Variants in ACER3 observed in about 807,000 individuals in gnomAD.
ACER3 encodes the protein alkaline ceramidase 3.
ACER3 carries 16 observed loss-of-function variants against 48.9 expected under a neutral mutation model. The observed-to-expected ratio is 0.33, with a 90% CI of 0.22 to 0.50. The LOEUF is 0.50. Ranked by LOEUF, ACER3 falls within the 20% of genes least tolerant of loss-of-function variation. The pLI is 0.98. For synonymous variants in ACER3, 109 were observed against 107.8 expected, an observed-to-expected ratio of 1.01 and a Z score of -0.07; for missense variants, 227 against 326.0, an observed-to-expected ratio of 0.70 and a Z score of 2.34.
At chr11:76,920,130 A>G (rs1195611289) in intron 1 of ACER3, among the ~76,000 whole-genome samples, 3 of 152,178 alleles carry the variant, frequency 2.0e-5, no homozygotes, top group Non-Finnish European at 4.4e-5. Flanking sequence ...CAGCTCTTGC[A>G]GTCCAAGTGG....
Position 77,022,923 on chromosome 11 carries a change from G to T in ACER3, c.*2596G>T. On this transcript the variant is annotated 3_prime_UTR_variant, in exon 11 of 11. Coordinates refer to ENST00000532485, the MANE Select transcript of ACER3 (RefSeq NM_018367.7). ...GAAAAGAAAATATAAGGATGTAAAAGAAGCAATTTGCTTGCACATCTGAAT... is the reference window on the plus strand; with the variant it reads ...GAAAAGAAAATATAAGGATGTAAAATAAGCAATTTGCTTGCACATCTGAAT... 5 of 370,118 alleles carry T rather than the reference G, an allele frequency of 1.4e-5. No homozygotes were observed. Among genetic ancestry groups the T allele is most frequent in the East Asian group, 7.8e-5 (2 of 25,610 alleles). The allele number at this position is 370,118 out of a possible 1,614,324, so 22.9% of individuals were successfully genotyped here.
intron 2 of ACER3, chr11:76,955,422 C>T (rs1469915771): frequency 6.6e-6 from 1 of 152,514 alleles, no homozygotes; most frequent in Non-Finnish European, 1.5e-5. Context: ...GTGGCTTAAG[C>T]AACATACATT....
chr11:76,980,744 C>T (rs990935815), intron 4 of ACER3, among the ~76,000 whole-genome samples: 1 of 152,072 alleles, frequency 6.6e-6, no homozygotes, highest in African/African-American at 2.4e-5. Context: ...TAGAAGGATA[C>T]TGATAATGTA....
At chr11:76,954,789 AC>A (rs1326603925) in intron 2 of ACER3, among the ~76,000 whole-genome samples, 1 of 151,970 alleles carries the variant, frequency 6.6e-6, no homozygotes, top group African/African-American at 2.4e-5. Context: ...CTTTGTAGAG[AC>A]AAAGATTCTC....
intron 1 of ACER3, among the ~76,000 whole-genome samples, chr11:76,868,860 C>T (rs902551648): frequency 2.0e-5 from 3 of 152,172 alleles, no homozygotes; most frequent in African/African-American, 4.8e-5. Context: ...TAGCTGAACA[C>T]GTGGAGACTG....
At chr11:76,905,573 T>C (rs886581630) in intron 1 of ACER3, among the ~76,000 whole-genome samples, 3 of 152,170 alleles carry the variant, frequency 2.0e-5, no homozygotes, top group Admixed American at 6.5e-5. Context: ...TCTATATGCA[T>C]ATAAAGCATG....
At position 76,990,614 on chromosome 11, in the gene ACER3, A is replaced by G. The variant is rs201838345; in HGVS notation, c.438+40A>G. The G allele has an allele frequency of 1.1e-5, 13 of 1,203,448 alleles. No individual in the cohort carries two copies. In the South Asian group the frequency reaches 1.4e-4, roughly 13 times the overall value. The allele number at this position is 1,203,448 out of a possible 1,614,324, so 74.5% of individuals were successfully genotyped here. A position where few individuals can be genotyped will look rare whatever the true frequency, so the allele number is the denominator to read the frequency against. On this transcript the variant is annotated intron_variant, in intron 6 of 10. Transcript: ENST00000532485. ...ATTATTACACATTAGATTGTTTACG[A>G]TACATGGCTGCTTTGTGATTTCCTT...
intron 1 of ACER3, among the ~76,000 whole-genome samples, chr11:76,872,257 G>T (rs1945261963): frequency 6.6e-6 from 1 of 151,956 alleles, no homozygotes; most frequent in Non-Finnish European, 1.5e-5. Context: ...TATATTTTTA[G>T]TAGAGACAGT....
At chr11:76,939,674 A>G (rs1163538741) in intron 2 of ACER3, among the ~76,000 whole-genome samples, 3 of 152,208 alleles carry the variant, frequency 2.0e-5, no homozygotes, top group African/African-American at 7.2e-5. Flanking sequence ...AGGAAACATC[A>G]TTATACAGTA....
At chr11:76,985,518 A>G in intron 4 of ACER3, 125 bp from the exon 5 acceptor site, 3 of 608,018 alleles carry the variant, frequency 4.9e-6, no homozygotes, top group African/African-American at 1.9e-5. Flanking sequence ...GGTTTTCTCT[A>G]TGAGTGGAAA....
At chr11:76,935,455 G>A (rs971501392) in intron 2 of ACER3, among the ~76,000 whole-genome samples, 8 of 152,146 alleles carry the variant, frequency 5.3e-5, no homozygotes, top group Non-Finnish European at 1.0e-4. Context: ...AAAACTATTG[G>A]ATTGTAAAAA....
chr11:76,961,266 T>C (rs1947987666), intron 3 of ACER3, among the ~76,000 whole-genome samples: 1 of 152,190 alleles, frequency 6.6e-6, no homozygotes, highest in Admixed American at 6.5e-5. Context: ...CAAACTGAAA[T>C]TGGAGTTAAC....
Position 76,864,596 on chromosome 11 carries a change from A to ATTTTT in ACER3, c.103+3534_103+3538dup, listed in dbSNP as rs772026324. Among the ~76,000 whole-genome samples, 568 of 99,906 alleles carry ATTTTT rather than the reference A, an allele frequency of 5.7e-3. 27 individuals carry two copies. Among genetic ancestry groups the ATTTTT allele is most frequent in the African/African-American group, 0.017 (510 of 29,688 alleles). The allele number at this position is 99,906 out of a possible 152,430, so 65.5% of individuals were successfully genotyped here. A position where few individuals can be genotyped will look rare whatever the true frequency, so the allele number is the denominator to read the frequency against. ...ACATAACTCATAATATGGAATGGGT[A>ATTTTT]TTTTTTTTTTTTTTTTTTTTTGAGG... is the stretch of plus-strand genomic sequence containing the variant. On this transcript the variant is annotated intron_variant, in intron 1 of 10. Transcript: ENST00000532485.
intron 1 of ACER3, among the ~76,000 whole-genome samples, chr11:76,870,743 T>C (rs1311450212): frequency 6.6e-6 from 1 of 152,204 alleles, no homozygotes; most frequent in Non-Finnish European, 1.5e-5. Flanking sequence ...AAGGTACATG[T>C]AACCCAATCA....
chr11:76,952,105 C>T (rs1421460498), intron 2 of ACER3, among the ~76,000 whole-genome samples: 1 of 149,276 alleles, frequency 6.7e-6, no homozygotes, highest in Non-Finnish European at 1.5e-5. Context: ...TCAATTTACT[C>T]ATAAATGTTC....
intron 1 of ACER3, among the ~76,000 whole-genome samples, chr11:76,898,545 T>A (rs1255827807): frequency 3.3e-5 from 5 of 152,108 alleles, no homozygotes; most frequent in African/African-American, 9.7e-5. Context: ...TAGCAGTAAG[T>A]AAGAAGATAT....
intron 3 of ACER3, among the ~76,000 whole-genome samples, chr11:76,967,227 T>C (rs11237042): frequency 0.68 from 103,208 of 151,912 alleles, 35,443 homozygotes; most frequent in Non-Finnish European, 0.74. Context: ...ATAAATTCCT[T>C]GACACATACA....
chr11:76,970,688 A>C (rs752284682), intron 3 of ACER3, among the ~76,000 whole-genome samples: 6 of 152,102 alleles, frequency 3.9e-5, no homozygotes, highest in African/African-American at 4.8e-5. Context: ...TTTTTTTTTA[A>C]AGTATAACTT....
chr11:76,914,746 C>G lies in ACER3; in HGVS notation c.104-11811C>G, dbSNP rs556635286. Among the ~76,000 whole-genome samples the G allele has an allele frequency of 2.0e-5, 3 of 152,222 alleles. No individual in the cohort carries two copies. The South Asian group carries it at 6.2e-4, about 32-fold the overall frequency. On this transcript the variant is annotated intron_variant, in intron 1 of 10. Coordinates refer to ENST00000532485, the MANE Select transcript of ACER3 (RefSeq NM_018367.7). ...ATGCTGCTATAAAGACACATGCATA[C>G]GTATGTTTGTTGTGGCACTATTCAC...
Sources: allele counts gnomAD v4.1 joint callset (sites outside exome capture counted in the v4.1 genomes callset), GRCh38; gene constraint gnomAD v4.1.1; transcripts MANE v1.5; gene names NCBI Gene and HGNC (gene_info 2026-07-23, HGNC 2026-07-21).